The following PDE4D variants were observed in gnomAD, a reference collection of about 807,000 sequenced individuals.
PDE4D encodes the protein phosphodiesterase 4D, also known as 3',5'-cyclic-AMP phosphodiesterase 4D.
PDE4D carries 24 observed loss-of-function variants against 87.4 expected under a neutral mutation model. The ratio of observed to expected loss-of-function variants is 0.27; its 90% CI spans 0.20 to 0.39. The LOEUF (loss-of-function observed/expected upper bound fraction) is 0.39, where lower values mean the gene tolerates loss of function less well. PDE4D is among the 10% of genes least tolerant of loss of function. PDE4D has a pLI of 1.00. For synonymous variants in PDE4D, 384 were observed against 383.2 expected (o/e 1.00, Z -0.02); for missense variants, 714 against 1,041.0 (o/e 0.69, Z 4.32).
chr5:59,323,693 C>CT (rs1775118869), intron 1 of PDE4D, among the ~76,000 whole-genome samples: 3 of 152,230 alleles, frequency 2.0e-5, no homozygotes, highest in African/African-American at 7.2e-5. Context: ...CTTCACCACT[C>CT]TTTCCTGGAA....
At chr5:59,661,052 G>C (rs567743057) in intron 1 of PDE4D, among the ~76,000 whole-genome samples, 175 of 138,282 alleles carry the variant, frequency 1.3e-3, no homozygotes, top group Non-Finnish European at 2.2e-3. Context: ...CAGTTTGCCA[G>C]CACTGCATTT....
intron 2 of PDE4D, among the ~76,000 whole-genome samples, chr5:60,115,956 C>T (rs186451230): frequency 9.7e-4 from 148 of 152,140 alleles, no homozygotes; most frequent in African/African-American, 3.5e-3. Flanking sequence ...GTTGTGTGCT[C>T]AATTCTTTGC....
chr5:60,250,796 T>C (rs78974988), intron 1 of PDE4D, among the ~76,000 whole-genome samples: 1,549 of 152,080 alleles, frequency 0.01, 33 homozygotes, highest in African/African-American at 0.035. Context: ...CTTCTACTTA[T>C]TAAAAAAATA....
At chr5:59,959,133 A>AC (rs1759189857) in intron 3 of PDE4D, among the ~76,000 whole-genome samples, 2 of 89,106 alleles carry the variant, frequency 2.2e-5, no homozygotes, top group Admixed American at 2.2e-4. Flanking sequence ...CACACACACA[A>AC]ATACCTAGGA....
chr5:59,629,222 G>T (rs1161192727), intron 1 of PDE4D, among the ~76,000 whole-genome samples: 1 of 152,214 alleles, frequency 6.6e-6, no homozygotes, highest in East Asian at 1.9e-4. Flanking sequence ...GTTGTTATGG[G>T]TTGTACTGTG....
chr5:59,198,313 A>G (rs997732447), intron 2 of PDE4D, among the ~76,000 whole-genome samples: 2 of 151,988 alleles, frequency 1.3e-5, no homozygotes, highest in African/African-American at 4.8e-5. Flanking sequence ...GCGTGTCTAT[A>G]TGTATGTATG....
At chr5:59,980,212 G>A (rs1761772512) in intron 3 of PDE4D, among the ~76,000 whole-genome samples, 1 of 152,160 alleles carries the variant, frequency 6.6e-6, no homozygotes, top group Non-Finnish European at 1.5e-5. Flanking sequence ...GTGATTCACA[G>A]TTCTGCATTA....
chr5:59,016,353 T>TG (rs1388838647), intron 6 of PDE4D, among the ~76,000 whole-genome samples: 1 of 102,316 alleles, frequency 9.8e-6, no homozygotes, highest in African/African-American at 2.8e-5. Flanking sequence ...ATATCACAGT[T>TG]TTTTTTTTTT....
intron 1 of PDE4D, among the ~76,000 whole-genome samples, chr5:59,304,862 T>G (rs995440789): frequency 4.6e-5 from 7 of 152,126 alleles, no homozygotes; most frequent in African/African-American, 1.7e-4. Flanking sequence ...GTTTTCTTTT[T>G]TGGTTATGTC....
At chr5:59,476,053 G>T (rs1032266926) in intron 1 of PDE4D, among the ~76,000 whole-genome samples, 15 of 152,012 alleles carry the variant, frequency 9.9e-5, no homozygotes, top group Non-Finnish European at 2.9e-5. Flanking sequence ...CATAGGCTAG[G>T]GAAAGAATCA....
At chr5:60,263,325 T>C (rs1749848277) in intron 1 of PDE4D, among the ~76,000 whole-genome samples, 1 of 152,256 alleles carries the variant, frequency 6.6e-6, no homozygotes. Context: ...GCACCTCTTT[T>C]TCTTTGTTCC....
chr5:59,866,249 T>C (rs1747021226), intron 1 of PDE4D, among the ~76,000 whole-genome samples: 1 of 152,164 alleles, frequency 6.6e-6, no homozygotes, highest in Non-Finnish European at 1.5e-5. Flanking sequence ...GAAAATCTTA[T>C]TATCTGGATT....
chr5:60,511,388 T>A (rs1043214496), intron 1 of PDE4D, among the ~76,000 whole-genome samples: 2 of 152,152 alleles, frequency 1.3e-5, no homozygotes, highest in Non-Finnish European at 2.9e-5. Flanking sequence ...AATATACCTA[T>A]CTTGGTAAAC....
intron 1 of PDE4D, among the ~76,000 whole-genome samples, chr5:60,381,275 T>C (rs1252541991): frequency 6.6e-6 from 1 of 152,178 alleles, no homozygotes; most frequent in East Asian, 1.9e-4. Context: ...CTCAAGTGTT[T>C]CCCTGGTTGA....
chr5:59,879,827 G>A (rs143017571), intron 1 of PDE4D, among the ~76,000 whole-genome samples: 3,894 of 152,168 alleles, frequency 0.026, 160 homozygotes, highest in African/African-American at 0.089. Flanking sequence ...TGCAACCTCC[G>A]CTCCCCGGGT....
chr5:59,933,781 TATATATATATTA>T (rs914599187), intron 3 of PDE4D, among the ~76,000 whole-genome samples: 4 of 107,900 alleles, frequency 3.7e-5, no homozygotes, highest in African/African-American at 1.6e-4. Flanking sequence ...GATATATATA[TATATATATATTA>T]ATAAGCATTC....
At chr5:59,559,795 G>C (rs1819636871) in intron 1 of PDE4D, among the ~76,000 whole-genome samples, 1 of 151,454 alleles carries the variant, frequency 6.6e-6, no homozygotes, top group African/African-American at 2.4e-5. Context: ...TTGTGTATTT[G>C]TTGTTGTCTG....
At chr5:60,374,581 T>C (rs1761287595) in intron 1 of PDE4D, among the ~76,000 whole-genome samples, 1 of 152,168 alleles carries the variant, frequency 6.6e-6, no homozygotes, top group African/African-American at 2.4e-5. Flanking sequence ...TTTCATAAAT[T>C]GCTCCAGGGA....
intron 2 of PDE4D, among the ~76,000 whole-genome samples, chr5:59,213,990 T>C (rs467300): frequency 0.11 from 16,831 of 149,670 alleles, 1,145 homozygotes; most frequent in Non-Finnish European, 0.14. Flanking sequence ...CTCTCTTTGA[T>C]TCTCCTTCTC....
Sources: gnomAD v4.1 joint callset for allele counts (sites outside exome capture counted in the v4.1 genomes callset) on GRCh38, gnomAD v4.1.1 for gene constraint, MANE v1.5 for transcripts, NCBI Gene and HGNC (gene_info 2026-07-23, HGNC 2026-07-21) for gene names.